Variants in HOMER1 observed in about 807,000 individuals in gnomAD.
HOMER1 encodes the protein homer scaffold protein 1, also known as homer protein homolog 1.
HOMER1 carries 3 observed loss-of-function variants against 48.9 expected under a neutral mutation model. The observed-to-expected ratio is 0.06, with a 90% CI of 0.03 to 0.16. HOMER1 has a LOEUF of 0.16. Among genes scored for constraint, HOMER1 ranks in the 10% least tolerant of loss-of-function variants. The probability of loss-of-function intolerance (pLI) is 1.00; values close to 1 mark genes in which losing one functional copy is unlikely to be tolerated. For missense variants in HOMER1, 247 were observed against 411.4 expected (o/e 0.60, Z 3.46); for synonymous variants, 134 against 146.4 (o/e 0.92, Z 0.61).
At chr5:79,497,172 T>G (rs1258836304) in intron 1 of HOMER1, among the ~76,000 whole-genome samples, 1 of 151,448 alleles carries the variant, frequency 6.6e-6, no homozygotes, top group African/African-American at 2.4e-5. Flanking sequence ...GTAAGTAAGA[T>G]GTCTTCTAAA....
chr5:79,452,240 T>C (rs1445791727), intron 2 of HOMER1, among the ~76,000 whole-genome samples: 3 of 152,244 alleles, frequency 2.0e-5, no homozygotes, highest in African/African-American at 4.8e-5. Context: ...TAAAGTGGTA[T>C]AGATTCATGA....
intron 2 of HOMER1, among the ~76,000 whole-genome samples, chr5:79,451,530 TGAAAATATGCATA>T (rs1458597215): frequency 1.4e-5 from 2 of 144,694 alleles, no homozygotes; most frequent in African/African-American, 5.1e-5. Flanking sequence ...CTTTCAAAAA[TGAAAATATGCATA>T]GAAAATATGA....
rs1205688020 is a variant in HOMER1 at position 79,401,844 on chromosome 5, T to C, written c.684+55A>G. The C allele has an allele frequency of 7.7e-6, 12 of 1,555,806 alleles. No homozygotes were observed. In the East Asian group the frequency reaches 2.5e-4, roughly 32 times the overall value. On this transcript the variant is annotated intron_variant, in intron 6 of 8. Coordinates refer to ENST00000334082, the MANE Select transcript of HOMER1 (RefSeq NM_004272.5). The stretch of plus-strand genomic sequence containing the variant: ...GCTGAATCTACATGCAAATTTCTTC[T>C]GATCAAGAAAACCTGTTAGCCCTAA...
intron 1 of HOMER1, among the ~76,000 whole-genome samples, chr5:79,503,563 A>G (rs1172304309): frequency 2.0e-5 from 3 of 149,238 alleles, no homozygotes; most frequent in Admixed American, 1.3e-4. Context: ...AACAGAGGCC[A>G]GGTGCCATGG....
At chr5:79,511,619 C>T (rs1752945910) in intron 1 of HOMER1, among the ~76,000 whole-genome samples, 1 of 152,158 alleles carries the variant, frequency 6.6e-6, no homozygotes, top group African/African-American at 2.4e-5. Flanking sequence ...TATATATATT[C>T]TCATCACTTG....
chr5:79,465,207 T>C (rs4345303), intron 1 of HOMER1, among the ~76,000 whole-genome samples: 46,846 of 151,850 alleles, frequency 0.31, 7,391 homozygotes, highest in South Asian at 0.43. Context: ...TGGTGGCACA[T>C]GCCTATAGTC....
At chr5:79,487,754 G>C (rs1055119808) in intron 1 of HOMER1, among the ~76,000 whole-genome samples, 1 of 152,212 alleles carries the variant, frequency 6.6e-6, no homozygotes, top group African/African-American at 2.4e-5. Context: ...GGGGAACTGT[G>C]ATCACTTATT....
At position 79,382,056 on chromosome 5, in the gene HOMER1, C is replaced by T. The variant is rs1429377002; in HGVS notation, c.877-5859G>A. 7.9e-5 allele frequency among the ~76,000 whole-genome samples: 12 copies of T among 151,798 alleles called. No homozygotes were observed. In the East Asian group the frequency reaches 2.3e-3, roughly 29 times the overall value. ...AGATTCAACAATAGGCCAGATCAAA[C>T]AGAAAAAATAATTTCAGAACTCAAA... is the stretch of plus-strand genomic sequence containing the variant. On this transcript the variant is annotated intron_variant, in intron 8 of 8. Coordinates refer to ENST00000334082, the MANE Select transcript of HOMER1 (RefSeq NM_004272.5).
intron 5 of HOMER1, among the ~76,000 whole-genome samples, chr5:79,408,361 A>C (rs1749722203): frequency 6.6e-6 from 1 of 152,204 alleles, no homozygotes; most frequent in African/African-American, 2.4e-5. Flanking sequence ...GAGCTCAGAT[A>C]ATTTATTACT....
chr5:79,481,264 T>G (rs1751936722), intron 1 of HOMER1, among the ~76,000 whole-genome samples: 1 of 152,226 alleles, frequency 6.6e-6, no homozygotes, highest in Non-Finnish European at 1.5e-5. Flanking sequence ...CAGACATTTA[T>G]GGAGTACCAG....
chr5:79,485,952 G>A (rs1324832680), intron 1 of HOMER1, among the ~76,000 whole-genome samples: 1 of 152,048 alleles, frequency 6.6e-6, no homozygotes, highest in Non-Finnish European at 1.5e-5. Context: ...CCAAAATAAT[G>A]AGGCAAAAGT....
chr5:79,377,710 T>C (rs981328565), intron 8 of HOMER1, among the ~76,000 whole-genome samples: 1 of 152,106 alleles, frequency 6.6e-6, no homozygotes, highest in African/African-American at 2.4e-5. Context: ...ATCTGGTAAA[T>C]GTTAAATGAA....
At chr5:79,467,391 CAAAAA>C (rs71767032) in intron 1 of HOMER1, among the ~76,000 whole-genome samples, 3 of 51,646 alleles carry the variant, frequency 5.8e-5, no homozygotes, top group South Asian at 8.1e-4. Context: ...AACTCCATCT[CAAAAA>C]AAAAAAAAAA....
intron 1 of HOMER1, among the ~76,000 whole-genome samples, chr5:79,488,655 G>C (rs1752186146): frequency 6.6e-6 from 1 of 152,154 alleles, no homozygotes; most frequent in South Asian, 2.1e-4. Context: ...ATAGGTAATA[G>C]AGCTATTTAA....
At chr5:79,407,839 T>C (rs1360741119) in intron 5 of HOMER1, among the ~76,000 whole-genome samples, 9 of 152,154 alleles carry the variant, frequency 5.9e-5, no homozygotes, top group East Asian at 1.9e-4. Context: ...ATATTATACA[T>C]AGAGGAACAA....
chr5:79,510,777 C>G (rs1752919480), intron 1 of HOMER1: 1 of 757,640 alleles, frequency 1.3e-6, no homozygotes, highest in Non-Finnish European at 2.4e-6. Context: ...CCAAGGGGCT[C>G]AGGGTGTGCT....
rs866767251 is a variant in HOMER1, at chr5:79,500,973, C to G, written c.5+11797G>C. 9.5e-3 allele frequency among the ~76,000 whole-genome samples: 1,314 copies of G among 138,640 alleles called. 15 individuals are homozygous for G. Among genetic ancestry groups the G allele is most frequent in the African/African-American group, 0.031 (1,193 of 38,276 alleles). 91.0% of individuals were successfully genotyped at this position (138,640 alleles called of 152,430 possible). ...TGTGTGAGACAGACAGACACACACA[C>G]ACACACACACACACACACACAAGGT... On this transcript the variant is annotated intron_variant, in intron 1 of 8. Transcript: ENST00000334082.
chr5:79,481,346 A>G (rs1211171130), intron 1 of HOMER1, among the ~76,000 whole-genome samples: 1 of 152,246 alleles, frequency 6.6e-6, no homozygotes, highest in Non-Finnish European at 1.5e-5. Flanking sequence ...ACACTGCACA[A>G]TAAATAGCAT....
At chr5:79,462,181 C>T (rs1024388750) in intron 1 of HOMER1, among the ~76,000 whole-genome samples, 2 of 152,180 alleles carry the variant, frequency 1.3e-5, no homozygotes, top group Non-Finnish European at 2.9e-5. Flanking sequence ...GCCTGGGCGA[C>T]AGAGCGAGAC....
Sources: allele counts gnomAD v4.1 joint callset (sites outside exome capture counted in the v4.1 genomes callset), GRCh38; gene constraint gnomAD v4.1.1; transcripts MANE v1.5; gene names NCBI Gene and HGNC (gene_info 2026-07-23, HGNC 2026-07-21).